NLGN4X: variants seen among roughly 807,000 people sequenced by gnomAD.
NLGN4X encodes the protein neuroligin 4 X-linked.
A neutral mutation model predicts 40.3 loss-of-function variants in NLGN4X; 3 were observed. That is an observed-to-expected ratio of 0.07 (90% CI 0.03 to 0.19). The LOEUF is 0.19. Ranked by LOEUF, NLGN4X falls within the 10% of genes least tolerant of loss-of-function variation. NLGN4X has a pLI of 1.00. For missense variants in NLGN4X, 382 were observed against 708.3 expected, an observed-to-expected ratio of 0.54 and a Z score of 5.23; for synonymous variants, 270 against 306.8, an observed-to-expected ratio of 0.88 and a Z score of 1.25.
chrX:6,011,519 T>G (rs1360185348), intron 3 of NLGN4X, among the ~76,000 whole-genome samples: 1 of 110,812 alleles, frequency 9.0e-6, no homozygotes, highest in African/African-American at 3.3e-5. Flanking sequence ...CTGCTGGAGA[T>G]GCAATAAGAT....
chrX:5,965,031 A>G (rs2146993277), intron 3 of NLGN4X, among the ~76,000 whole-genome samples: 1 of 112,143 alleles, frequency 8.9e-6, no homozygotes, highest in South Asian at 3.7e-4. Context: ...TAAAGAAATG[A>G]TACGCAACTG....
chrX:6,219,761 T>G (rs1472231587), intron 1 of NLGN4X, among the ~76,000 whole-genome samples: 1 of 110,970 alleles, frequency 9.0e-6, no homozygotes, highest in Non-Finnish European at 1.9e-5. Context: ...TGAAGATAAT[T>G]CTATAGAATA....
chrX:5,897,952 C>G (rs1358447159), intron 5 of NLGN4X, among the ~76,000 whole-genome samples: 1 of 92,714 alleles, frequency 1.1e-5, no homozygotes, highest in African/African-American at 3.9e-5. Flanking sequence ...CCCTGTTTTC[C>G]TTCTTTCCCT....
chrX:6,081,521 A>G (rs942986096), intron 2 of NLGN4X, among the ~76,000 whole-genome samples: 2 of 112,482 alleles, frequency 1.8e-5, no homozygotes, highest in Non-Finnish European at 3.7e-5. Context: ...TCAGGATGAG[A>G]AAGCATGTCT....
At chrX:5,987,436 G>T (rs909927548) in intron 3 of NLGN4X, among the ~76,000 whole-genome samples, 3 of 112,843 alleles carry the variant, frequency 2.7e-5, no homozygotes, top group African/African-American at 9.7e-5. Context: ...CTTCACATGG[G>T]TGTTGGTTAT....
chrX:6,208,627 A>C (rs1417269234), intron 1 of NLGN4X, among the ~76,000 whole-genome samples: 1 of 112,203 alleles, frequency 8.9e-6, no homozygotes, highest in Non-Finnish European at 1.9e-5. Flanking sequence ...TGGAATAAGT[A>C]CACCTCATTT....
chrX:6,098,971 C>T (rs1350346817), intron 2 of NLGN4X, among the ~76,000 whole-genome samples: 1 of 111,903 alleles, frequency 8.9e-6, no homozygotes, highest in Non-Finnish European at 1.9e-5. Context: ...GCACTGCTGA[C>T]CTTTTTTGGT....
intron 1 of NLGN4X, among the ~76,000 whole-genome samples, chrX:6,182,901 C>A (rs1156982192): frequency 8.9e-6 from 1 of 112,074 alleles, no homozygotes; most frequent in African/African-American, 3.2e-5. Context: ...GTTCTTCAAA[C>A]CATTAAGTTT....
intron 2 of NLGN4X, among the ~76,000 whole-genome samples, chrX:6,140,401 T>C (rs1000935106): frequency 1.8e-5 from 2 of 108,811 alleles, no homozygotes; most frequent in African/African-American, 6.7e-5. Flanking sequence ...TGTTTGATCT[T>C]AACTGAATTG....
At chrX:6,091,102 G>C (rs2038629941) in intron 2 of NLGN4X, among the ~76,000 whole-genome samples, 1 of 110,578 alleles carries the variant, frequency 9.0e-6, no homozygotes, top group African/African-American at 3.3e-5. Context: ...GGAATAGTTG[G>C]AGAGAAGATG....
chrX:6,021,073 C>CTCTCTCTCT (rs1569190222), intron 3 of NLGN4X, among the ~76,000 whole-genome samples: 8 of 21,921 alleles, frequency 3.6e-4, no homozygotes, highest in African/African-American at 1.4e-3. Context: ...TCCCTCCCTC[C>CTCTCTCTCT]CTCCCTCTCT....
intron 2 of NLGN4X, among the ~76,000 whole-genome samples, chrX:6,054,020 C>T (rs1378438798): frequency 8.9e-6 from 1 of 112,083 alleles, no homozygotes; most frequent in Non-Finnish European, 1.9e-5. Context: ...AGCACAGCAG[C>T]CACTAAAAAT....
At chrX:6,086,885 C>T (rs781426464) in intron 2 of NLGN4X, among the ~76,000 whole-genome samples, 7 of 111,278 alleles carry the variant, frequency 6.3e-5, no homozygotes, top group South Asian at 3.9e-4. Flanking sequence ...CCTCACTCCT[C>T]GGTCTCCCAA....
At chrX:6,147,805 G>C (rs2040081888) in intron 2 of NLGN4X, among the ~76,000 whole-genome samples, 1 of 111,472 alleles carries the variant, frequency 9.0e-6, no homozygotes, top group Non-Finnish European at 1.9e-5. Flanking sequence ...CCTTATTTGA[G>C]CACCTATCAA....
intron 2 of NLGN4X, among the ~76,000 whole-genome samples, chrX:6,031,508 C>T (rs142638258): frequency 3.6e-5 from 4 of 111,147 alleles, no homozygotes; most frequent in African/African-American, 1.3e-4. Context: ...TCTTGGAGAA[C>T]AGTTGATTTA....
At chrX:6,103,862 G>C (rs150709736) in intron 2 of NLGN4X, among the ~76,000 whole-genome samples, 1 of 112,083 alleles carries the variant, frequency 8.9e-6, no homozygotes, top group Non-Finnish European at 1.9e-5. Flanking sequence ...TAAAGCACAC[G>C]CACCTTATGG....
chrX:6,148,964 C>A (rs1186018594), intron 2 of NLGN4X, among the ~76,000 whole-genome samples: 1 of 111,908 alleles, frequency 8.9e-6, no homozygotes, highest in East Asian at 2.8e-4. Flanking sequence ...GTTTACACAT[C>A]GTGGGGAGAT....
intron 2 of NLGN4X, among the ~76,000 whole-genome samples, chrX:6,052,207 G>C (rs757428588): frequency 5.6e-4 from 62 of 111,298 alleles, no homozygotes; most frequent in African/African-American, 1.9e-3. Flanking sequence ...CCGACACCTT[G>C]ATAGCATCTC....
At chrX:5,943,217 C>A (rs994247058) in intron 3 of NLGN4X, among the ~76,000 whole-genome samples, 1 of 111,355 alleles carries the variant, frequency 9.0e-6, no homozygotes, top group Non-Finnish European at 1.9e-5. Context: ...AGGAATGCTA[C>A]GGTTCTCAAG....
Sources: gnomAD v4.1 joint callset for allele counts (sites outside exome capture counted in the v4.1 genomes callset) on GRCh38, gnomAD v4.1.1 for gene constraint, MANE v1.5 for transcripts, NCBI Gene and HGNC (gene_info 2026-07-23, HGNC 2026-07-21) for gene names.